The following LIPC variants were observed in gnomAD, a reference collection of about 807,000 sequenced individuals.
LIPC encodes lipase C, hepatic type.
A neutral mutation model predicts 50.7 loss-of-function variants in LIPC; 44 were observed. That is an observed-to-expected ratio of 0.87 (90% CI 0.68 to 1.11). LIPC has a LOEUF of 1.11. LIPC is among the 50% of genes most tolerant of loss of function. LIPC has a pLI of 0.00. For synonymous variants in LIPC, 271 were observed against 256.4 expected (o/e 1.06, Z -0.54); for missense variants, 697 against 648.2 (o/e 1.08, Z -0.82).
At chr15:58,514,290 T>A (rs980182843) in intron 1 of LIPC, among the ~76,000 whole-genome samples, 5 of 152,320 alleles carry the variant, frequency 3.3e-5, no homozygotes, top group African/African-American at 1.2e-4. Flanking sequence ...GATTGTTTAG[T>A]GATTAAAGTC....
intron 1 of LIPC, among the ~76,000 whole-genome samples, chr15:58,502,433 G>A (rs534077479): frequency 6.6e-6 from 1 of 152,142 alleles, no homozygotes; most frequent in East Asian, 1.9e-4. Flanking sequence ...CAAGGAAAAG[G>A]TGGTGTCGCA....
chr15:58,487,027 G>A (rs144550779), intron 1 of LIPC, among the ~76,000 whole-genome samples: 198 of 152,294 alleles, frequency 1.3e-3, no homozygotes, highest in South Asian at 5.8e-3. Context: ...CACTGTGCTA[G>A]GATGATTATG....
At chr15:58,558,071 C>CT (rs56254789) in intron 6 of LIPC, among the ~76,000 whole-genome samples, 5 of 147,750 alleles carry the variant, frequency 3.4e-5, no homozygotes, top group African/African-American at 1.0e-4. Context: ...TAGCTCTTTT[C>CT]TTTTTTTTTT....
chr15:58,441,972 GAAT>G (rs1893522549), intron 1 of LIPC, among the ~76,000 whole-genome samples: 1 of 152,174 alleles, frequency 6.6e-6, no homozygotes, highest in South Asian at 2.1e-4. Context: ...GTTCACTTGT[GAAT>G]ATTATGGTCT....
intron 1 of LIPC, among the ~76,000 whole-genome samples, chr15:58,433,124 T>C (rs1234823417): frequency 6.6e-6 from 1 of 152,206 alleles, no homozygotes; most frequent in Non-Finnish European, 1.5e-5. Flanking sequence ...TAATTATTTT[T>C]GACACATCAT....
chr15:58,459,989 G>A (rs1894281313), intron 1 of LIPC, among the ~76,000 whole-genome samples: 1 of 152,196 alleles, frequency 6.6e-6, no homozygotes, highest in African/African-American at 2.4e-5. Flanking sequence ...CCTAAGAAGG[G>A]AAAACAACTC....
At chr15:58,554,495 C>T (rs1893865301) in intron 6 of LIPC, among the ~76,000 whole-genome samples, 1 of 151,782 alleles carries the variant, frequency 6.6e-6, no homozygotes, top group Non-Finnish European at 1.5e-5. Flanking sequence ...TTTGTAATAG[C>T]ATCATTGTGC....
chr15:58,526,548 A>G (rs1202387272), intron 1 of LIPC, among the ~76,000 whole-genome samples: 1 of 152,204 alleles, frequency 6.6e-6, no homozygotes, highest in Non-Finnish European at 1.5e-5. Context: ...CCTCACTCCA[A>G]GGAGGGGCCT....
chr15:58,457,980 C>T (rs1221296389), intron 1 of LIPC, among the ~76,000 whole-genome samples: 1 of 152,144 alleles, frequency 6.6e-6, no homozygotes, highest in African/African-American at 2.4e-5. Flanking sequence ...TAGGACATAC[C>T]AGTTTATACT....
At chr15:58,510,015 T>C (rs1892282964) in intron 1 of LIPC, among the ~76,000 whole-genome samples, 1 of 152,150 alleles carries the variant, frequency 6.6e-6, no homozygotes, top group Non-Finnish European at 1.5e-5. Context: ...TTTCATTCCA[T>C]AAGACTTTAT....
intron 1 of LIPC, among the ~76,000 whole-genome samples, chr15:58,465,791 C>T (rs1220740489): frequency 6.6e-6 from 1 of 152,208 alleles, no homozygotes; most frequent in African/African-American, 2.4e-5. Flanking sequence ...ACACTAAAAG[C>T]ATCAAAGCTC....
chr15:58,519,707 A>G (rs190396554), intron 1 of LIPC, among the ~76,000 whole-genome samples: 9 of 152,218 alleles, frequency 5.9e-5, no homozygotes, highest in Non-Finnish European at 1.3e-4. Context: ...TTTTGATTAA[A>G]CAGTTCATTT....
chr15:58,476,169 G>A (rs925207665), intron 1 of LIPC, among the ~76,000 whole-genome samples: 4 of 152,220 alleles, frequency 2.6e-5, no homozygotes, highest in Middle Eastern at 3.2e-3. Context: ...TCTTCAGCTC[G>A]GAAGTAGTGG....
intron 1 of LIPC, among the ~76,000 whole-genome samples, chr15:58,508,245 G>A (rs917283338): frequency 6.6e-6 from 1 of 152,036 alleles, no homozygotes; most frequent in African/African-American, 2.4e-5. Context: ...CAAGGGTGGG[G>A]GGTAGGGAGT....
intron 1 of LIPC, among the ~76,000 whole-genome samples, chr15:58,458,925 C>T (rs1290904039): frequency 2.0e-5 from 3 of 152,146 alleles, no homozygotes; most frequent in African/African-American, 7.2e-5. Context: ...TAGGTCAACC[C>T]CAAAATCTGC....
chr15:58,515,152 C>A (rs1360770003), intron 1 of LIPC, among the ~76,000 whole-genome samples: 3 of 152,194 alleles, frequency 2.0e-5, no homozygotes, highest in African/African-American at 7.2e-5. Context: ...CTTGTGATTA[C>A]ATTGGGCCCA....
At chr15:58,503,555 C>A (rs753310233) in intron 1 of LIPC, among the ~76,000 whole-genome samples, 1 of 152,224 alleles carries the variant, frequency 6.6e-6, no homozygotes, top group Non-Finnish European at 1.5e-5. Context: ...CTACTGGACA[C>A]ATTCAAACAG....
At chr15:58,467,811 G>A (rs528319126) in intron 1 of LIPC, among the ~76,000 whole-genome samples, 2 of 152,244 alleles carry the variant, frequency 1.3e-5, no homozygotes, top group African/African-American at 2.4e-5. Context: ...CCTGTCCGCC[G>A]CTTAGAAAAA....
chr15:58,499,788 T>TA (rs1891910317), intron 1 of LIPC, among the ~76,000 whole-genome samples: 1 of 152,204 alleles, frequency 6.6e-6, no homozygotes, highest in Admixed American at 6.5e-5. Flanking sequence ...AGCCCTGGTC[T>TA]AAGTGAGGTT....
Sources: allele counts gnomAD v4.1 joint callset (sites outside exome capture counted in the v4.1 genomes callset), GRCh38; gene constraint gnomAD v4.1.1; transcripts MANE v1.5; gene names NCBI Gene and HGNC (gene_info 2026-07-23, HGNC 2026-07-21).